Variants in HNF4A observed in about 807,000 individuals in gnomAD.
The protein encoded by HNF4A is hepatocyte nuclear factor 4-alpha.
HNF4A carries 15 observed loss-of-function variants against 52.4 expected under a neutral mutation model. That is an observed-to-expected ratio of 0.29 (90% CI 0.19 to 0.44). The LOEUF (loss-of-function observed/expected upper bound fraction) is 0.44, where lower values mean the gene tolerates loss of function less well. HNF4A is among the 20% of genes least tolerant of loss of function. The pLI, the probability that HNF4A is intolerant of heterozygous loss-of-function variation, is 1.00. For synonymous variants in HNF4A, 280 were observed against 264.4 expected (o/e 1.06, Z -0.57); for missense variants, 479 against 647.2 (o/e 0.74, Z 2.82).
In HNF4A at chr20:44,424,139, G is replaced by T. The variant is rs1417346651; in HGVS notation, c.1014G>T (p.Leu338=). ...CGCGTGGCCGCTTTGGAGAGCTGCT[G>T]CTGCTGCTGCCCACCTTGCAGAGCA... Residue 338 remains leucine, a synonymous_variant, in exon 8 of 10, where the codon CTG becomes CTT. Transcript: ENST00000316099. 1 of 1,613,684 alleles carries T rather than the reference G, an allele frequency of 6.2e-7. No individual in the cohort carries two copies. The highest frequency in any genetic ancestry group is 1.1e-5 in the South Asian group (1 of 91,042).
intron 1 of HNF4A, among the ~76,000 whole-genome samples, chr20:44,366,969 G>GT (rs2146186278): frequency 6.6e-6 from 1 of 152,290 alleles, no homozygotes; most frequent in East Asian, 1.9e-4. Flanking sequence ...CGGCTCATTT[G>GT]TTTTCTAGCA....
intron 3 of HNF4A, among the ~76,000 whole-genome samples, chr20:44,408,790 C>G (rs1393373670): frequency 6.6e-6 from 1 of 152,138 alleles, no homozygotes; most frequent in Non-Finnish European, 1.5e-5. Flanking sequence ...CTAAACTCAA[C>G]CTTTCCCAGC....
intron 1 of HNF4A, among the ~76,000 whole-genome samples, chr20:44,379,393 C>G (rs561473065): frequency 2.0e-5 from 3 of 152,138 alleles, no homozygotes; most frequent in African/African-American, 7.2e-5. Flanking sequence ...ACAGAAGCTG[C>G]ACTATTTTAC....
intron 8 of HNF4A, chr20:44,424,647 T>C (rs2063794851): frequency 7.4e-7 from 1 of 1,357,178 alleles, no homozygotes; most frequent in African/African-American, 1.5e-5. Flanking sequence ...TGATAGAGTT[T>C]AACTGAAAAG....
intron 3 of HNF4A, among the ~76,000 whole-genome samples, chr20:44,412,084 C>G (rs558958853): frequency 6.6e-6 from 1 of 151,962 alleles, no homozygotes; most frequent in African/African-American, 2.4e-5. Context: ...AGAATTAGAG[C>G]TTGTCTCTTC....
At chr20:44,434,521 G>C (rs376304256), downstream of HNF4A, 7 of 149,920 alleles carry the variant, frequency 4.7e-5, 1 homozygote, top group Non-Finnish European at 5.9e-5. Context: ...ACAAGCGCGG[G>C]GGGGGGGGGG....
intron 1 of HNF4A, among the ~76,000 whole-genome samples, chr20:44,393,143 G>C (rs1242354238): frequency 6.6e-6 from 1 of 152,168 alleles, no homozygotes; most frequent in Non-Finnish European, 1.5e-5. Flanking sequence ...TCAGGCAGGG[G>C]CTCCCATCAG....
intron 1 of HNF4A, among the ~76,000 whole-genome samples, chr20:44,361,891 A>G (rs935339637): frequency 3.9e-5 from 6 of 152,188 alleles, no homozygotes; most frequent in Admixed American, 3.9e-4. Context: ...TTGGAGGAGT[A>G]GACTGATATC....
At chr20:44,367,373 C>T (rs1030759929) in intron 1 of HNF4A, among the ~76,000 whole-genome samples, 2 of 150,468 alleles carry the variant, frequency 1.3e-5, no homozygotes, top group Non-Finnish European at 2.9e-5. Flanking sequence ...TGGCCAGGCA[C>T]GGTGGCTAAC....
At chr20:44,369,444 G>A (rs1241932936) in intron 1 of HNF4A, among the ~76,000 whole-genome samples, 1 of 151,306 alleles carries the variant, frequency 6.6e-6, no homozygotes, top group Non-Finnish European at 1.5e-5. Context: ...AAAGAGAAAG[G>A]AAAATAAATA....
Position 44,413,584 on chromosome 20 carries a change from G to A in HNF4A, c.386-110G>A, listed in dbSNP as rs2063616644. The A allele has an allele frequency of 3.9e-6, 3 of 772,222 alleles. No individual in the cohort carries two copies. In the Admixed American group the frequency reaches 6.0e-5, roughly 15 times the overall value. The allele number at this position is 772,222 out of a possible 1,614,324, so 47.8% of individuals were successfully genotyped here. ...TCATTCCACATGCTGATGTGGGCCT[G>A]TTCTCTGGACACCCCCCACCTCCTG... On this transcript the variant is annotated intron_variant, in intron 3 of 9. Transcript: ENST00000316099.
At chr20:44,421,821 T>G (rs1206501886) in intron 7 of HNF4A, among the ~76,000 whole-genome samples, 3 of 146,550 alleles carry the variant, frequency 2.0e-5, no homozygotes, top group Non-Finnish European at 4.5e-5. Flanking sequence ...TAGTGATATA[T>G]ATAGTATATA....
At chr20:44,423,432 G>A (rs1056802562) in intron 7 of HNF4A, among the ~76,000 whole-genome samples, 14 of 152,190 alleles carry the variant, frequency 9.2e-5, no homozygotes, top group African/African-American at 1.7e-4. Context: ...TGGAGGGGCC[G>A]CAGAGATTTG....
intron 3 of HNF4A, 133 bp downstream of exon 3, chr20:44,407,608 A>G: frequency 1.4e-6 from 1 of 729,544 alleles, no homozygotes; most frequent in Non-Finnish European, 2.4e-6. Flanking sequence ...ATGGCTGAGA[A>G]GAGGGAGGGC....
intron 1 of HNF4A, among the ~76,000 whole-genome samples, chr20:44,393,571 G>A (rs141043409): frequency 4.7e-4 from 71 of 152,310 alleles, no homozygotes; most frequent in African/African-American, 1.7e-3. Context: ...GTGAGCATGG[G>A]TATATGGCTC....
downstream of HNF4A, chr20:44,434,523 G>GA (rs2063906397): frequency 6.7e-6 from 1 of 148,510 alleles, no homozygotes; most frequent in African/African-American, 2.6e-5. Flanking sequence ...AAGCGCGGGG[G>GA]GGGGGGGGTG....
intron 8 of HNF4A, among the ~76,000 whole-genome samples, chr20:44,427,809 T>C (rs1052199164): frequency 2.0e-5 from 3 of 152,152 alleles, no homozygotes; most frequent in Non-Finnish European, 4.4e-5. Context: ...TTTGGGCTTA[T>C]GGACATGGAA....
intron 8 of HNF4A, among the ~76,000 whole-genome samples, chr20:44,427,642 C>T (rs1181171193): frequency 1.3e-5 from 2 of 152,050 alleles, no homozygotes; most frequent in Non-Finnish European, 2.9e-5. Flanking sequence ...TCTGCTAGGC[C>T]CTCAAAGAAA....
At chr20:44,413,848 A>G (rs2063622217) in intron 4 of HNF4A, 48 bp downstream of exon 4, 2 of 1,288,128 alleles carry the variant, frequency 1.6e-6, no homozygotes, top group Non-Finnish European at 2.2e-6. Flanking sequence ...CACACTACAG[A>G]GGAGCTCACC....
Sources: allele counts gnomAD v4.1 joint callset (sites outside exome capture counted in the v4.1 genomes callset), GRCh38; gene constraint gnomAD v4.1.1; transcripts MANE v1.5; gene names NCBI Gene and HGNC (gene_info 2026-07-23, HGNC 2026-07-21).